The following SUMF1 variants were observed in gnomAD, a reference collection of about 807,000 sequenced individuals.
The protein encoded by SUMF1 is sulfatase modifying factor 1, also known as formylglycine-generating enzyme.
Under a neutral mutation model 47.6 loss-of-function variants are expected in SUMF1, and 48 were observed. The observed-to-expected ratio is 1.01, with a 90% CI of 0.80 to 1.28. SUMF1 has a LOEUF of 1.28. Ranked by LOEUF, SUMF1 falls within the 50% of genes most tolerant of loss-of-function variation. The pLI, the probability that SUMF1 is intolerant of heterozygous loss-of-function variation, is 0.00. For synonymous variants in SUMF1, 230 were observed against 192.1 expected (o/e 1.20, Z -1.63); for missense variants, 571 against 485.4 (o/e 1.18, Z -1.66).
At chr3:4,229,308 T>C (rs1162561485) in intron 8 of SUMF1, 2 of 407,538 alleles carry the variant, frequency 4.9e-6, no homozygotes, top group Admixed American at 5.6e-5. Context: ...TATGTTCCAT[T>C]CCTGTGAAAT....
rs376653005 is a variant in SUMF1, at chr3:4,091,102, A to C, written c.1015-22357T>G. Reference sequence around the variant, plus strand: ...TAAAAAACAACAACAACAACAAAAAAAAAAACAAAAAACACACATTTTGGG... The same window carrying C: ...TAAAAAACAACAACAACAACAAAAACAAAAACAAAAAACACACATTTTGGG... On this transcript the variant is annotated intron_variant and NMD_transcript_variant, in intron 8 of 12. Transcript: ENST00000448413. 7.6e-4 allele frequency among the ~76,000 whole-genome samples: 115 copies of C among 152,054 alleles called. 1 individual carries two copies. Among genetic ancestry groups the C allele is most frequent in the African/African-American group, 2.4e-3 (100 of 41,444 alleles).
rs147812801 is a variant in SUMF1, at chr3:4,093,513, A to C, written c.1015-24768T>G. ...AGGAAAACAGATCACAAAGATGGTG[A>C]GTATTCTAAGTCTAAAAGAATGAGT... On this transcript the variant is annotated intron_variant and NMD_transcript_variant, in intron 8 of 12. Coordinates refer to the SUMF1 transcript ENST00000448413. Among the ~76,000 whole-genome samples, 184 of 152,244 alleles carry C rather than the reference A, an allele frequency of 1.2e-3. 1 individual carries two copies. Among genetic ancestry groups the C allele is most frequent in the African/African-American group, 4.0e-3 (166 of 41,526 alleles).
At chr3:4,253,475 C>A (rs1347709757) in intron 8 of SUMF1, among the ~76,000 whole-genome samples, 1 of 152,142 alleles carries the variant, frequency 6.6e-6, no homozygotes, top group African/African-American at 2.4e-5. Context: ...AGGGAGTTCC[C>A]TTTCCGAGTA....
chr3:4,229,921 G>A (rs1696261075), intron 8 of SUMF1, among the ~76,000 whole-genome samples: 1 of 152,058 alleles, frequency 6.6e-6, no homozygotes, highest in Non-Finnish European at 1.5e-5. Context: ...GCTGAGGCGG[G>A]AGGATCCCTT....
At chr3:4,139,409 A>C (rs1694019175) in intron 8 of SUMF1, among the ~76,000 whole-genome samples, 1 of 151,996 alleles carries the variant, frequency 6.6e-6, no homozygotes, top group Non-Finnish European at 1.5e-5. Context: ...ATTCTGTGAG[A>C]ATCAATTGGC....
At chr3:4,337,171 T>C (rs1699169545) in intron 8 of SUMF1, among the ~76,000 whole-genome samples, 1 of 152,178 alleles carries the variant, frequency 6.6e-6, no homozygotes, top group African/African-American at 2.4e-5. Context: ...TCTATTTCTC[T>C]GTCTCTTTTC....
intron 7 of SUMF1, among the ~76,000 whole-genome samples, chr3:4,392,613 G>GTA (rs1209743421): frequency 0.022 from 1,681 of 77,734 alleles, 36 homozygotes; most frequent in African/African-American, 0.05. Flanking sequence ...GTGTGTGTGT[G>GTA]TGTATATATA....
chr3:4,151,666 C>CCA (rs369219408), intron 8 of SUMF1, among the ~76,000 whole-genome samples: 7 of 147,224 alleles, frequency 4.8e-5, no homozygotes, highest in African/African-American at 1.5e-4. Flanking sequence ...TTGATTTGGG[C>CCA]CACACACAAA....
intron 8 of SUMF1, among the ~76,000 whole-genome samples, chr3:4,133,725 T>A (rs1693847617): frequency 6.6e-6 from 1 of 152,118 alleles, no homozygotes; most frequent in African/African-American, 2.4e-5. Context: ...TCAGACTGGC[T>A]CTCCTTGTTC....
intron 8 of SUMF1, among the ~76,000 whole-genome samples, chr3:4,130,086 A>C (rs1260184814): frequency 6.6e-6 from 1 of 152,128 alleles, no homozygotes; most frequent in Non-Finnish European, 1.5e-5. Context: ...ACCATCAAGG[A>C]CTTGAAAGAT....
In SUMF1 at chr3:4,145,873, C is replaced by T. The variant is rs185821660; in HGVS notation, c.1015-77128G>A. Among the ~76,000 whole-genome samples, 422 of 152,254 alleles carry T rather than the reference C, an allele frequency of 2.8e-3. 4 individuals are homozygous for T. The highest frequency in any genetic ancestry group is 9.4e-3 in the African/African-American group (392 of 41,524). On this transcript the variant is annotated intron_variant and NMD_transcript_variant, in intron 8 of 12. Transcript: ENST00000448413. ...CCCCATTCATCTCTTCCTTTTCCCC[C>T]CGTCTACAGCTTTAGGCCCTGTTAC...
At chr3:4,320,056 A>G (rs1002652977) in intron 8 of SUMF1, among the ~76,000 whole-genome samples, 3 of 152,232 alleles carry the variant, frequency 2.0e-5, no homozygotes, top group African/African-American at 7.2e-5. Flanking sequence ...ACAATTCTGT[A>G]TGATACTGTG....
chr3:4,359,380 C>T (rs1305746626), downstream of SUMF1, among the ~76,000 whole-genome samples: 13 of 152,066 alleles, frequency 8.5e-5, no homozygotes, highest in Non-Finnish European at 1.5e-5. Flanking sequence ...TGGGCACAAG[C>T]GAACCTCCCA....
intron 1 of SUMF1, among the ~76,000 whole-genome samples, chr3:4,460,457 A>T: frequency 6.6e-6 from 1 of 151,414 alleles, no homozygotes. Context: ...CATCTCTCAC[A>T]CTCTCTCTTG....
rs1049289263 is a variant in SUMF1, at chr3:4,349,743, C to T, written c.1014+26587G>A. ...GCAAACTAACATAGGAACAGAAAAA[C>T]AAACACCACATGTTCTCACTCACAA... On this transcript the variant is annotated intron_variant and NMD_transcript_variant, in intron 8 of 12. Coordinates refer to the SUMF1 transcript ENST00000448413. Among the ~76,000 whole-genome samples, 5 of 152,240 alleles carry T rather than the reference C, an allele frequency of 3.3e-5. No individual in the cohort carries two copies. The East Asian group carries it at 9.7e-4, about 29-fold the overall frequency.
intron 8 of SUMF1, among the ~76,000 whole-genome samples, chr3:4,371,288 G>C (rs570099995): frequency 6.6e-6 from 1 of 152,250 alleles, no homozygotes; most frequent in South Asian, 2.1e-4. Flanking sequence ...ACCTGTTTTA[G>C]TCCTATTTCA....
At chr3:4,269,220 G>A (rs1697258366) in intron 8 of SUMF1, among the ~76,000 whole-genome samples, 1 of 152,084 alleles carries the variant, frequency 6.6e-6, no homozygotes, top group African/African-American at 2.4e-5. Flanking sequence ...TGTGCACAAT[G>A]TGCAGGTTAG....
At chr3:4,449,052 G>C (rs376217574) in intron 3 of SUMF1, among the ~76,000 whole-genome samples, 1 of 152,158 alleles carries the variant, frequency 6.6e-6, no homozygotes, top group African/African-American at 2.4e-5. Context: ...GAAACTCAAG[G>C]CAGACCCATC....
At chr3:4,066,341 A>G (rs1218419231) in intron 9 of SUMF1, among the ~76,000 whole-genome samples, 1 of 152,124 alleles carries the variant, frequency 6.6e-6, no homozygotes, top group African/African-American at 2.4e-5. Flanking sequence ...TGAGAGTAAA[A>G]AGTGAGGAGA....
Sources: allele counts gnomAD v4.1 joint callset (sites outside exome capture counted in the v4.1 genomes callset), GRCh38; gene constraint gnomAD v4.1.1; transcripts MANE v1.5; gene names NCBI Gene and HGNC (gene_info 2026-07-23, HGNC 2026-07-21).